The following CADM2 variants were observed in gnomAD, a reference collection of about 807,000 sequenced individuals.
CADM2 encodes the protein immunoglobulin superfamily member 4D.
Under a neutral mutation model 49.8 loss-of-function variants are expected in CADM2, and 12 were observed. That is an observed-to-expected ratio of 0.24 (90% confidence interval 0.15 to 0.39). CADM2 has a LOEUF of 0.39. Ranked by LOEUF, CADM2 falls within the 10% of genes least tolerant of loss-of-function variation. The pLI is 1.00. For synonymous variants in CADM2, 214 were observed against 175.4 expected (o/e 1.22, Z -1.74); for missense variants, 378 against 492.3 (o/e 0.77, Z 2.20).
chr3:85,450,194 T>C (rs867440037), intron 1 of CADM2, among the ~76,000 whole-genome samples: 7 of 152,136 alleles, frequency 4.6e-5, no homozygotes, highest in African/African-American at 1.4e-4. Flanking sequence ...TTAAGGAACA[T>C]GGTAAAAGAT....
chr3:85,999,694 AT>A (rs1318924671), intron 8 of CADM2, among the ~76,000 whole-genome samples: 2 of 151,986 alleles, frequency 1.3e-5, no homozygotes, highest in Non-Finnish European at 2.9e-5. Context: ...AAAAGAAAGA[AT>A]GAAAGAAACT....
At chr3:85,436,980 A>G (rs140443273) in intron 1 of CADM2, among the ~76,000 whole-genome samples, 130 of 152,288 alleles carry the variant, frequency 8.5e-4, no homozygotes, top group African/African-American at 3.1e-3. Context: ...TCAGTCTTAA[A>G]AATCTTTCTT....
At chr3:85,830,187 C>G (rs571215598) in intron 3 of CADM2, among the ~76,000 whole-genome samples, 1 of 152,010 alleles carries the variant, frequency 6.6e-6, no homozygotes, top group Admixed American at 6.6e-5. Flanking sequence ...CACTTGTTAT[C>G]ACTTCTCATT....
At chr3:86,002,681 CTA>C (rs1730330795) in intron 8 of CADM2, among the ~76,000 whole-genome samples, 1 of 152,154 alleles carries the variant, frequency 6.6e-6, no homozygotes, top group Non-Finnish European at 1.5e-5. Flanking sequence ...CTCATAGAAT[CTA>C]TGATATTTAT....
chr3:85,320,285 G>T (rs534380172), intron 1 of CADM2, among the ~76,000 whole-genome samples: 1 of 152,100 alleles, frequency 6.6e-6, no homozygotes, highest in African/African-American at 2.4e-5. Context: ...GCTCTAGAAC[G>T]TTTAAAGCAA....
chr3:85,178,917 G>T (rs2040854649), intron 1 of CADM2, among the ~76,000 whole-genome samples: 1 of 151,662 alleles, frequency 6.6e-6, no homozygotes, highest in Admixed American at 6.6e-5. Flanking sequence ...ATTATACTTG[G>T]AATGCTACAA....
intron 1 of CADM2, among the ~76,000 whole-genome samples, chr3:85,404,472 T>A (rs1023791203): frequency 3.3e-5 from 5 of 152,180 alleles, no homozygotes; most frequent in Admixed American, 1.3e-4. Context: ...GGAAGAATAT[T>A]TTCATAGCCT....
Position 85,970,355 on chromosome 3 carries a change from C to T in CADM2, c.970+8708C>T, listed in dbSNP as rs147850806. Among the ~76,000 whole-genome samples, 83 of 151,474 alleles carry T rather than the reference C, an allele frequency of 5.5e-4. 1 individual carries two copies. The highest frequency in any genetic ancestry group is 2.0e-3 in the African/African-American group (82 of 41,424). ...GTGAGAGCTCTGACCATTAGAAATA[C>T]AGGTGATAGGAGTGGATATTAAAAG... On this transcript the variant is annotated intron_variant, in intron 8 of 9. Coordinates refer to ENST00000383699, the MANE Select transcript of CADM2 (RefSeq NM_001167675.2).
intron 1 of CADM2, among the ~76,000 whole-genome samples, chr3:85,638,956 G>A (rs1175464336): frequency 6.6e-6 from 1 of 152,104 alleles, no homozygotes; most frequent in East Asian, 1.9e-4. Context: ...AAAGAGACGA[G>A]TAAAGCACTT....
rs11368552 is a variant in CADM2 at position 85,066,381 on chromosome 3, TAA to T, written c.61+106725_61+106726del. Reference sequence around the variant, plus strand: ...GGGGTAAAATGCTGGAATCAGCATTTAAAAAAAAAAAAATCCCCAAAGTGCTA... The same window carrying T: ...GGGGTAAAATGCTGGAATCAGCATTTAAAAAAAAAAATCCCCAAAGTGCTA... On this transcript the variant is annotated intron_variant, in intron 1 of 9. Coordinates refer to ENST00000383699, the MANE Select transcript of CADM2 (RefSeq NM_001167675.2). Among the ~76,000 whole-genome samples the T allele has an allele frequency of 4.5e-3, 658 of 145,766 alleles. 5 individuals are homozygous for T. Among genetic ancestry groups the T allele is most frequent in the African/African-American group, 0.015 (595 of 40,182 alleles).
intron 5 of CADM2, among the ~76,000 whole-genome samples, chr3:85,888,127 T>C (rs1437754597): frequency 6.6e-6 from 1 of 152,218 alleles, no homozygotes; most frequent in Admixed American, 6.5e-5. Context: ...ATTAGTTGTT[T>C]ACTCAGTTCT....
At chr3:84,987,860 A>G (rs1160400188) in intron 1 of CADM2, among the ~76,000 whole-genome samples, 3 of 152,166 alleles carry the variant, frequency 2.0e-5, no homozygotes, top group South Asian at 2.1e-4. Flanking sequence ...TCTGGGATGC[A>G]TCTGTTTTCC....
chr3:85,458,034 C>G (rs1280904703), intron 1 of CADM2, among the ~76,000 whole-genome samples: 1 of 152,134 alleles, frequency 6.6e-6, no homozygotes, highest in African/African-American at 2.4e-5. Flanking sequence ...TTTCTTTCCA[C>G]AATTCAATCT....
At chr3:85,568,396 CCTCT>C (rs2062334011) in intron 1 of CADM2, among the ~76,000 whole-genome samples, 1 of 102,564 alleles carries the variant, frequency 9.8e-6, no homozygotes, top group Non-Finnish European at 2.2e-5. Context: ...TTCCTTCCTC[CCTCT>C]TTCTTTCTTT....
intron 1 of CADM2, among the ~76,000 whole-genome samples, chr3:85,716,655 A>G (rs1452086961): frequency 6.6e-6 from 1 of 152,138 alleles, no homozygotes; most frequent in Non-Finnish European, 1.5e-5. Flanking sequence ...TCTTTAATCC[A>G]TCTTGAGTTA....
At chr3:85,827,765 G>T (rs182726846) in intron 3 of CADM2, among the ~76,000 whole-genome samples, 199 of 151,972 alleles carry the variant, frequency 1.3e-3, no homozygotes, top group African/African-American at 4.4e-3. Context: ...CAAATGTATT[G>T]TTTTTAACTC....
intron 1 of CADM2, among the ~76,000 whole-genome samples, chr3:85,290,111 A>T (rs1347620527): frequency 1.3e-5 from 2 of 152,068 alleles, no homozygotes; most frequent in Admixed American, 6.6e-5. Context: ...AAGCAGGGTG[A>T]GGCATTGCTT....
At chr3:85,081,904 A>T (rs541649566) in intron 1 of CADM2, among the ~76,000 whole-genome samples, 1 of 149,300 alleles carries the variant, frequency 6.7e-6, no homozygotes. Context: ...GTTCCCAAGT[A>T]TCATTGCTAA....
intron 2 of CADM2, among the ~76,000 whole-genome samples, chr3:85,792,897 G>T (rs1039057017): frequency 6.6e-6 from 1 of 151,974 alleles, no homozygotes; most frequent in Non-Finnish European, 1.5e-5. Context: ...TATCACAGAG[G>T]TAAGAGTGGC....
Sources: gnomAD v4.1 joint callset for allele counts (sites outside exome capture counted in the v4.1 genomes callset) on GRCh38, gnomAD v4.1.1 for gene constraint, MANE v1.5 for transcripts, NCBI Gene and HGNC (gene_info 2026-07-23, HGNC 2026-07-21) for gene names.